The following THSD7A variants were observed in gnomAD, a reference collection of about 807,000 sequenced individuals.
THSD7A encodes the protein thrombospondin type 1 domain containing 7A.
A neutral mutation model predicts 231.3 loss-of-function variants in THSD7A; 96 were observed. The observed-to-expected ratio is 0.41, with a 90% confidence interval of 0.35 to 0.49. The LOEUF is 0.49. Ranked by LOEUF, THSD7A falls within the 20% of genes least tolerant of loss-of-function variation. The pLI, the probability that THSD7A is intolerant of heterozygous loss-of-function variation, is 0.05. For synonymous variants in THSD7A, 940 were observed against 743.3 expected (o/e 1.26, Z -4.30); for missense variants, 2,290 against 2,070.2 (o/e 1.11, Z -2.06).
chr7:11,419,341 C>G (rs1012952076), intron 16 of THSD7A, among the ~76,000 whole-genome samples: 19 of 152,130 alleles, frequency 1.2e-4, no homozygotes, highest in African/African-American at 3.9e-4. Context: ...ATAGTGAGTT[C>G]TCATGAGATA....
chr7:11,513,633 TGG>T (rs1787909677), intron 6 of THSD7A, among the ~76,000 whole-genome samples: 1 of 152,128 alleles, frequency 6.6e-6, no homozygotes. Context: ...GTGGTTGCCA[TGG>T]GATGAGAGGA....
chr7:11,481,097 G>A (rs1213567391), intron 7 of THSD7A, among the ~76,000 whole-genome samples: 1 of 152,096 alleles, frequency 6.6e-6, no homozygotes, highest in African/African-American at 2.4e-5. Flanking sequence ...TCACACAGAA[G>A]CCAAATTAGC....
chr7:11,559,655 G>C (rs1789997842), intron 4 of THSD7A, among the ~76,000 whole-genome samples: 1 of 151,780 alleles, frequency 6.6e-6, no homozygotes, highest in African/African-American at 2.4e-5. Flanking sequence ...GAAAGTAGAA[G>C]AAAGAGAATA....
At chr7:11,686,841 A>G (rs1320436582) in intron 1 of THSD7A, among the ~76,000 whole-genome samples, 1 of 151,826 alleles carries the variant, frequency 6.6e-6, no homozygotes, top group Admixed American at 6.6e-5. Flanking sequence ...GATGGGGGAA[A>G]GGGTTGGAAA....
At position 11,474,697 on chromosome 7, in the gene THSD7A, T is replaced by C. The variant is rs915770663; in HGVS notation, c.2018-129A>G. The C allele has an allele frequency of 1.5e-6, 1 of 687,662 alleles. No homozygotes were observed. Among genetic ancestry groups the C allele is most frequent in the South Asian group, 2.0e-5 (1 of 48,912 alleles). The allele number at this position is 687,662 out of a possible 1,614,324, so 42.6% of individuals were successfully genotyped here. On this transcript the variant is annotated intron_variant, in intron 7 of 27. Coordinates refer to ENST00000423059, the MANE Select transcript of THSD7A (RefSeq NM_015204.3). This position sits in a 1 kb window ranked among gnomAD's most constrained non-coding sequence, Gnocchi z 4.1. ...TTCTTCCCCACATCAAGTTCATAAA[T>C]ACACGCAATATTTATGTGAGATGCT...
At chr7:11,550,533 G>T (rs117972605) in intron 4 of THSD7A, among the ~76,000 whole-genome samples, 2 of 152,034 alleles carry the variant, frequency 1.3e-5, no homozygotes, top group African/African-American at 4.8e-5. Flanking sequence ...TGGTGGTTTC[G>T]AAGTGACACT....
At chr7:11,699,179 T>A (rs745326646) in intron 1 of THSD7A, among the ~76,000 whole-genome samples, 2 of 151,190 alleles carry the variant, frequency 1.3e-5, no homozygotes, top group African/African-American at 2.4e-5. Flanking sequence ...CAGCTTCAAT[T>A]TAAATACTAC....
At chr7:11,417,352 T>C in intron 17 of THSD7A, 98 bp downstream of exon 17, 1 of 1,197,888 alleles carries the variant, frequency 8.3e-7, no homozygotes, top group South Asian at 1.7e-5. Flanking sequence ...AAACAGATTT[T>C]ACATTGAAGT....
intron 13 of THSD7A, among the ~76,000 whole-genome samples, chr7:11,443,255 G>C (rs1784859995): frequency 6.6e-6 from 1 of 152,038 alleles, no homozygotes; most frequent in African/African-American, 2.4e-5. Flanking sequence ...AAACACTTAT[G>C]TGCTGCATTC....
At chr7:11,511,186 G>T (rs1177320217) in intron 6 of THSD7A, among the ~76,000 whole-genome samples, 6 of 152,090 alleles carry the variant, frequency 3.9e-5, no homozygotes, top group Non-Finnish European at 8.8e-5. Context: ...ATTCACAATT[G>T]CTTCAAAGAG....
chr7:11,615,331 T>G (rs1781070161), intron 2 of THSD7A, among the ~76,000 whole-genome samples: 1 of 152,180 alleles, frequency 6.6e-6, no homozygotes, highest in African/African-American at 2.4e-5. Flanking sequence ...CAGTCAGTGG[T>G]GAGCAGAGGC....
intron 13 of THSD7A, among the ~76,000 whole-genome samples, chr7:11,432,198 CTTTACT>C (rs1262243260): frequency 6.6e-6 from 1 of 151,990 alleles, no homozygotes; most frequent in African/African-American, 2.4e-5. Flanking sequence ...GTTTCACAAG[CTTTACT>C]TTTAATCATT....
intron 1 of THSD7A, among the ~76,000 whole-genome samples, chr7:11,778,265 T>C (rs919131414): frequency 6.6e-6 from 1 of 151,250 alleles, no homozygotes; most frequent in Admixed American, 6.6e-5. Context: ...TTTCACTAAG[T>C]GGATTCCTAT....
At chr7:11,546,936 G>C (rs1189792954) in intron 4 of THSD7A, among the ~76,000 whole-genome samples, 1 of 152,140 alleles carries the variant, frequency 6.6e-6, no homozygotes, top group Non-Finnish European at 1.5e-5. Context: ...CAGCAGAATA[G>C]ACCAAGCTAA....
rs182408223 is a variant in THSD7A at position 11,642,749 on chromosome 7, T to C, written c.191-5788A>G. Reference sequence around the variant, plus strand: ...GTTTTCCTTAGGCTAGTGCTTTAAGTATAATTCTGCACTAACTTTAACAAA... The same window carrying C: ...GTTTTCCTTAGGCTAGTGCTTTAAGCATAATTCTGCACTAACTTTAACAAA... On this transcript the variant is annotated intron_variant, in intron 1 of 27. Coordinates refer to ENST00000423059, the MANE Select transcript of THSD7A (RefSeq NM_015204.3). Among the ~76,000 whole-genome samples, 531 of 152,260 alleles carry C rather than the reference T, an allele frequency of 3.5e-3. 6 individuals carry two copies. The highest frequency in any genetic ancestry group is 0.012 in the African/African-American group (511 of 41,574).
intron 4 of THSD7A, among the ~76,000 whole-genome samples, chr7:11,551,425 G>T (rs1366206334): frequency 6.6e-6 from 1 of 151,900 alleles, no homozygotes; most frequent in Non-Finnish European, 1.5e-5. Context: ...CAAAGTGAGA[G>T]AAAATATTGC....
intron 6 of THSD7A, among the ~76,000 whole-genome samples, chr7:11,536,249 G>A (rs934001005): frequency 2.6e-5 from 4 of 152,074 alleles, no homozygotes; most frequent in East Asian, 1.9e-4. Flanking sequence ...CTGTTTAATC[G>A]GGTCTTTGGT....
At chr7:11,793,116 G>A (rs1048407693) in intron 1 of THSD7A, among the ~76,000 whole-genome samples, 1 of 151,662 alleles carries the variant, frequency 6.6e-6, no homozygotes, top group Non-Finnish European at 1.5e-5. Flanking sequence ...TGAACAGAAA[G>A]GGACAACTAG....
At chr7:11,453,546 T>C (rs771094278) in intron 11 of THSD7A, among the ~76,000 whole-genome samples, 2 of 152,014 alleles carry the variant, frequency 1.3e-5, no homozygotes, top group Non-Finnish European at 2.9e-5. Flanking sequence ...TTACAACAGA[T>C]GTTCCTTGGC....
Sources: allele counts gnomAD v4.1 joint callset (sites outside exome capture counted in the v4.1 genomes callset), GRCh38; gene constraint gnomAD v4.1.1; non-coding constraint Gnocchi (gnomAD v3.1); transcripts MANE v1.5; gene names NCBI Gene and HGNC (gene_info 2026-07-23, HGNC 2026-07-21).